Variants in EXOSC7 observed in about 807,000 individuals in gnomAD.
EXOSC7 encodes the protein exosome component 7.
In EXOSC7, 25 loss-of-function variants were observed where a neutral mutation model predicts 34.3. The observed-to-expected ratio is 0.73, with a 90% CI of 0.53 to 1.02. The LOEUF is 1.02. Ranked by LOEUF, EXOSC7 falls within the 50% of genes least tolerant of loss-of-function variation. EXOSC7 has a pLI of 0.00. For synonymous variants in EXOSC7, 130 were observed against 143.0 expected (o/e 0.91, Z 0.65); for missense variants, 370 against 368.5 (o/e 1.00, Z -0.03).
chr3:44,998,350 G>A (rs1706785253), intron 4 of EXOSC7, among the ~76,000 whole-genome samples: 1 of 152,038 alleles, frequency 6.6e-6, no homozygotes, highest in Admixed American at 6.6e-5. Flanking sequence ...GGGGATTACA[G>A]GTGCAAACCA....
chr3:44,989,284 G>A, intron 2 of EXOSC7, 43 bp downstream of exon 2: 2 of 1,424,850 alleles, frequency 1.4e-6, no homozygotes, highest in Non-Finnish European at 9.9e-7. Context: ...GGAGAAATGA[G>A]TAGGCCCTAA....
intron 7 of EXOSC7, among the ~76,000 whole-genome samples, chr3:45,009,488 C>T (rs1054194868): frequency 6.6e-6 from 1 of 151,826 alleles, no homozygotes; most frequent in Admixed American, 6.6e-5. Context: ...ATAATCAGTA[C>T]CCCTGTTTGA....
chr3:44,976,393 G>T (rs987020796), intron 1 of EXOSC7, 59 bp downstream of exon 1: 1 of 1,467,686 alleles, frequency 6.8e-7, no homozygotes. Context: ...TGCGGGTCGC[G>T]GCCTGCCCTG....
Position 44,976,294 on chromosome 3 carries a change from T to G in EXOSC7, c.17T>G (p.Leu6Arg), listed in dbSNP as rs1286974243. Reference protein sequence around the residue: MASVTLSEAEKVYIVH... With the variant: MASVTRSEAEKVYIVH... ...CTCGGCAGCATGGCGTCCGTGACGC[T>G]GAGCGAGGCGGAGAAGGTGTACATC... is the stretch of plus-strand genomic sequence containing the variant. Residue 6 changes from leucine to arginine, a missense_variant, in exon 1 of 8, where the codon CTG becomes CGG. This residue lies in a region of EXOSC7 where 95 missense variants were observed against 79.8 expected (regional missense o/e 1.19). Transcript: ENST00000265564. 1 of 1,562,444 alleles carries G rather than the reference T, an allele frequency of 6.4e-7. No homozygotes were observed. Among genetic ancestry groups the G allele is most frequent in the South Asian group, 1.2e-5 (1 of 85,214 alleles).
chr3:44,993,933 C>T (rs1706642963), intron 3 of EXOSC7, among the ~76,000 whole-genome samples: 1 of 152,170 alleles, frequency 6.6e-6, no homozygotes, highest in Admixed American at 6.5e-5. Flanking sequence ...AGCATACATT[C>T]ATTTCCCTGA....
Position 44,976,277 on chromosome 3 carries a change from C to G in EXOSC7, c.-1C>G, listed in dbSNP as rs777575298. The G allele has an allele frequency of 2.6e-6, 4 of 1,559,806 alleles. No homozygotes were observed. The highest frequency in any genetic ancestry group is 1.2e-5 in the South Asian group (1 of 85,150). On this transcript the variant is annotated 5_prime_UTR_variant, in exon 1 of 8. Transcript: ENST00000265564. ...TGCGGCTCGTGGGGCAGCTCGGCAG[C>G]ATGGCGTCCGTGACGCTGAGCGAGG...
chr3:45,002,640 C>T (rs200781378), intron 5 of EXOSC7, among the ~76,000 whole-genome samples: 2 of 152,286 alleles, frequency 1.3e-5, no homozygotes, highest in East Asian at 3.9e-4. Context: ...CAAGTAATCA[C>T]TGTAATTATT....
chr3:45,008,473 T>C (rs543561644), intron 7 of EXOSC7, among the ~76,000 whole-genome samples: 1 of 152,366 alleles, frequency 6.6e-6, no homozygotes, highest in East Asian at 1.9e-4. Flanking sequence ...ATGAGCACTG[T>C]ATATAGCATG....
chr3:44,979,501 A>C (rs1706217552), intron 1 of EXOSC7, among the ~76,000 whole-genome samples: 1 of 152,224 alleles, frequency 6.6e-6, no homozygotes, highest in Non-Finnish European at 1.5e-5. Context: ...TTCAGTTGCT[A>C]GTAATGGTAA....
At chr3:44,992,538 C>A (rs1366795042) in intron 3 of EXOSC7, among the ~76,000 whole-genome samples, 1 of 152,166 alleles carries the variant, frequency 6.6e-6, no homozygotes, top group Non-Finnish European at 1.5e-5. Flanking sequence ...CCCTCACAGC[C>A]CTTTGGAAAG....
In EXOSC7 at chr3:44,997,237, CTA is replaced by C. The variant is rs1706747436; in HGVS notation, c.407_408del (p.Tyr136CysfsTer14). On this transcript the variant is annotated frameshift_variant, in exon 4 of 8. Coordinates refer to ENST00000265564, the MANE Select transcript of EXOSC7 (RefSeq NM_015004.4). LOFTEE classifies it high-confidence loss of function. ...GTCCTCGGGAGCACTGCTGGGTTCT[CTA>C]TGTGGATGTGCTGGTGAGTATCATC... Reference protein sequence around the residue: ...ISPREHCWVLYVDVLLLECGG... With the variant: ...ISPREHCWVLXVDVLLLECGG... 6.2e-7 allele frequency: 1 copy of C among 1,613,892 alleles called. No individual in the cohort carries two copies. The highest frequency in any genetic ancestry group is 2.2e-5 in the East Asian group (1 of 44,868).
At chr3:45,008,816 C>G (rs1045096640) in intron 7 of EXOSC7, among the ~76,000 whole-genome samples, 8 of 152,366 alleles carry the variant, frequency 5.3e-5, no homozygotes, top group African/African-American at 1.7e-4. Context: ...ACTCTTCCCC[C>G]TCCCAGGAGA....
In EXOSC7 at chr3:45,002,381, A is replaced by T. The variant is rs1334895834; in HGVS notation, c.491+773A>T. On this transcript the variant is annotated intron_variant, in intron 5 of 7. Coordinates refer to ENST00000265564, the MANE Select transcript of EXOSC7 (RefSeq NM_015004.4). ...GACATAATTGAATAAATGAGCAAAG[A>T]TGTTTATTCTAGGATGTTCATCACA... The T allele has an allele frequency of 2.0e-5, 3 of 152,268 alleles. No homozygotes were observed. In the East Asian group the frequency reaches 5.8e-4, roughly 29 times the overall value. 9.4% of individuals were successfully genotyped at this position (152,268 alleles called of 1,614,324 possible).
intron 1 of EXOSC7, among the ~76,000 whole-genome samples, chr3:44,988,521 G>C (rs548760130): frequency 6.6e-6 from 1 of 152,170 alleles, no homozygotes; most frequent in African/African-American, 2.4e-5. Flanking sequence ...CAACCACTCA[G>C]CTCTGCTTTT....
intron 1 of EXOSC7, among the ~76,000 whole-genome samples, chr3:44,984,737 A>C (rs765361874): frequency 1.3e-5 from 2 of 152,254 alleles, no homozygotes; most frequent in Non-Finnish European, 2.9e-5. Context: ...ATCGTATAGG[A>C]TTATTGAAAA....
Position 44,989,128 on chromosome 3 carries a change from G to A in EXOSC7, c.58-12G>A, listed in dbSNP as rs1181672063. 1 of 1,603,438 alleles carries A rather than the reference G, an allele frequency of 6.2e-7. No individual in the cohort carries two copies. Among genetic ancestry groups the A allele is most frequent in the South Asian group, 1.1e-5 (1 of 90,858 alleles). ...CTGGGGTGACTATAGGACTGTGGTT[G>A]TTAACACCTAGGAAGACCTCCGTGT... On this transcript the variant is annotated splice_polypyrimidine_tract_variant and intron_variant, in intron 1 of 7. Coordinates refer to ENST00000265564, the MANE Select transcript of EXOSC7 (RefSeq NM_015004.4).
At chr3:45,006,010 C>A (rs1241220752) in intron 6 of EXOSC7, among the ~76,000 whole-genome samples, 2 of 146,162 alleles carry the variant, frequency 1.4e-5, no homozygotes, top group African/African-American at 5.1e-5. Context: ...GAAATCACTT[C>A]ATGAACAGGA....
chr3:44,986,647 C>T (rs1359980725), intron 1 of EXOSC7, among the ~76,000 whole-genome samples: 3 of 152,346 alleles, frequency 2.0e-5, no homozygotes, highest in East Asian at 1.9e-4. Context: ...GCTGCCAGCA[C>T]GCTGTCACCT....
At chr3:45,007,195 C>G (rs1707072333) in intron 6 of EXOSC7, among the ~76,000 whole-genome samples, 1 of 152,206 alleles carries the variant, frequency 6.6e-6, no homozygotes, top group African/African-American at 2.4e-5. Context: ...CCACCTTGCC[C>G]TGTTTTTCCA....
Sources: allele counts gnomAD v4.1 joint callset (sites outside exome capture counted in the v4.1 genomes callset), GRCh38; gene constraint gnomAD v4.1.1; regional missense constraint gnomAD v4.1.1; transcripts MANE v1.5; gene names NCBI Gene and HGNC (gene_info 2026-07-23, HGNC 2026-07-21).